CFAP54: variants seen among roughly 807,000 people sequenced by gnomAD.
CFAP54 encodes the protein cilia and flagella associated protein 54.
In CFAP54, 290 loss-of-function variants were observed where a neutral mutation model predicts 370.4. The ratio of observed to expected loss-of-function variants is 0.78; its 90% confidence interval spans 0.71 to 0.86. The LOEUF is 0.86. CFAP54 is among the 40% of genes least tolerant of loss of function. The probability of loss-of-function intolerance (pLI) is 0.00; values close to 1 mark genes in which losing one functional copy is unlikely to be tolerated. For synonymous variants in CFAP54, 1,206 were observed against 1,236.5 expected (o/e 0.98, Z 0.52); for missense variants, 3,399 against 3,528.7 (o/e 0.96, Z 0.93).
intron 66 of CFAP54, among the ~76,000 whole-genome samples, chr12:96,835,560 T>C (rs1959183453): frequency 1.3e-5 from 2 of 152,160 alleles, no homozygotes; most frequent in Admixed American, 1.3e-4. Flanking sequence ...CATGCAGGCT[T>C]GGCCCCGACT....
chr12:96,870,875 A>G (rs1035175335), intron 67 of CFAP54, among the ~76,000 whole-genome samples: 2 of 152,230 alleles, frequency 1.3e-5, no homozygotes, highest in African/African-American at 2.4e-5. Flanking sequence ...AACCAAAGGA[A>G]TGGTAATCCT....
At chr12:96,664,339 G>C (rs955623776) in intron 39 of CFAP54, among the ~76,000 whole-genome samples, 1 of 151,944 alleles carries the variant, frequency 6.6e-6, no homozygotes, top group African/African-American at 2.4e-5. Context: ...GTGTCCATGT[G>C]TTCTTATTAT....
chr12:96,654,832 A>ATTT lies in CFAP54; in HGVS notation c.5100+3031_5100+3033dup, dbSNP rs10631171. Reference sequence around the variant, plus strand: ...TTTTGTGTCTGGCTCATTTCACTTAATTTTTTTTTTTTTTTTAAGAAATGA... The same window carrying ATTT: ...TTTTGTGTCTGGCTCATTTCACTTAATTTTTTTTTTTTTTTTTTTAAGAAATGA... On this transcript the variant is annotated intron_variant, in intron 36 of 67. Coordinates refer to ENST00000524981, the MANE Select transcript of CFAP54 (RefSeq NM_001306084.2). Among the ~76,000 whole-genome samples the ATTT allele has an allele frequency of 1.3e-3, 171 of 132,132 alleles. 5 individuals carry two copies. The East Asian group carries it at 0.03, about 23-fold the overall frequency. 86.7% of individuals were successfully genotyped at this position (132,132 alleles called of 152,430 possible).
chr12:96,612,179 C>T (rs1956365644), intron 26 of CFAP54, among the ~76,000 whole-genome samples: 1 of 152,214 alleles, frequency 6.6e-6, no homozygotes, highest in Admixed American at 6.5e-5. Context: ...ATCAGACTAA[C>T]AGTGGATCTC....
intron 65 of CFAP54, among the ~76,000 whole-genome samples, chr12:96,826,900 T>TA: frequency 7.9e-6 from 1 of 126,688 alleles, no homozygotes; most frequent in South Asian, 2.3e-4. Context: ...ATATGATATA[T>TA]TATATATGCA....
At chr12:96,797,862 G>A (rs1385855479) in intron 63 of CFAP54, among the ~76,000 whole-genome samples, 1 of 151,674 alleles carries the variant, frequency 6.6e-6, no homozygotes, top group African/African-American at 2.4e-5. Context: ...TAATATATTT[G>A]GTTTAAATCT....
chr12:96,640,991 A>G (rs1308395677), intron 32 of CFAP54, among the ~76,000 whole-genome samples: 4 of 152,122 alleles, frequency 2.6e-5, no homozygotes, highest in Non-Finnish European at 5.9e-5. Context: ...AAACCTAGGC[A>G]ATACCATTCA....
intron 62 of CFAP54, among the ~76,000 whole-genome samples, chr12:96,789,510 C>A (rs1298352726): frequency 3.3e-5 from 5 of 152,136 alleles, no homozygotes; most frequent in Non-Finnish European, 7.3e-5. Context: ...AGACTGAGAA[C>A]AATAGTTTCA....
intron 67 of CFAP54, among the ~76,000 whole-genome samples, 193 bp from the exon 68 acceptor site, chr12:96,874,925 T>C (rs1056942941): frequency 6.6e-6 from 1 of 151,496 alleles, no homozygotes; most frequent in Non-Finnish European, 1.5e-5. Flanking sequence ...CCGGGATCTC[T>C]GCTTTTTTAA....
chr12:96,823,219 C>T (rs1402911560), intron 65 of CFAP54, among the ~76,000 whole-genome samples: 1 of 152,092 alleles, frequency 6.6e-6, no homozygotes, highest in East Asian at 1.9e-4. Context: ...CATTTTCTAG[C>T]CCTTCTAGAC....
intron 20 of CFAP54, among the ~76,000 whole-genome samples, chr12:96,579,684 G>GTT (rs1164267769): frequency 2.0e-5 from 3 of 152,034 alleles, no homozygotes; most frequent in Non-Finnish European, 2.9e-5. Flanking sequence ...AGTATGGCTT[G>GTT]TTCATAATAC....
chr12:96,512,349 A>G (rs1955182302), intron 4 of CFAP54, among the ~76,000 whole-genome samples: 2 of 81,030 alleles, frequency 2.5e-5, no homozygotes, highest in South Asian at 4.0e-4. Flanking sequence ...ATATATATAT[A>G]TGTATATATT....
Position 96,743,741 on chromosome 12 carries a change from A to G in CFAP54, c.7388A>G (p.His2463Arg), listed in dbSNP as rs1958079012. The G allele has an allele frequency of 6.2e-7, 1 of 1,604,010 alleles. No homozygotes were observed. Among genetic ancestry groups the G allele is most frequent in the Non-Finnish European group, 8.5e-7 (1 of 1,176,514 alleles). The change falls in exon 54 of 68, where the codon CAT (histidine) becomes CGT (arginine). Residue 2463 changes from histidine (H) to arginine (R), a missense_variant. Transcript: ENST00000524981. ...ATTTTATTTTAATAGGATATAATAC[A>G]TTTGCTGGAAGGAAATGAATTTATT... ...DIMTNLQDII[H>R]LLEGNEFISP...
At chr12:96,826,157 A>G (rs1188830631) in intron 65 of CFAP54, among the ~76,000 whole-genome samples, 3 of 146,298 alleles carry the variant, frequency 2.1e-5, no homozygotes, top group Non-Finnish European at 3.0e-5. Flanking sequence ...ATAAAAAAGC[A>G]AACAACACCT....
chr12:96,751,058 T>G (rs1958177456), intron 55 of CFAP54, among the ~76,000 whole-genome samples: 1 of 152,210 alleles, frequency 6.6e-6, no homozygotes, highest in Non-Finnish European at 1.5e-5. Context: ...AAAAAGGCAT[T>G]TAGAGATTTT....
At chr12:96,573,086 G>A (rs1592857543) in intron 19 of CFAP54, 2 of 947,896 alleles carry the variant, frequency 2.1e-6, no homozygotes, top group Non-Finnish European at 2.5e-6. Flanking sequence ...AGGGCCAGTG[G>A]GCCAGTGCTG....
intron 67 of CFAP54, among the ~76,000 whole-genome samples, chr12:96,862,046 A>C (rs563001452): frequency 6.6e-6 from 1 of 152,316 alleles, no homozygotes; most frequent in African/African-American, 2.4e-5. Flanking sequence ...AAACAACGGT[A>C]ATAGTAGCTG....
At chr12:96,786,939 T>C in intron 62 of CFAP54, 41 bp downstream of exon 62, 1 of 1,344,912 alleles carries the variant, frequency 7.4e-7, no homozygotes, top group Non-Finnish European at 1.0e-6. Context: ...ATAAAACTTC[T>C]TGGAATCATC....
intron 5 of CFAP54, among the ~76,000 whole-genome samples, chr12:96,515,010 CTTTT>C (rs34667780): frequency 2.2e-5 from 3 of 138,398 alleles, no homozygotes; most frequent in African/African-American, 2.6e-5. Context: ...GAGTATAGTT[CTTTT>C]TTTTTTTTTT....
Sources: allele counts gnomAD v4.1 joint callset (sites outside exome capture counted in the v4.1 genomes callset), GRCh38; gene constraint gnomAD v4.1.1; transcripts MANE v1.5; gene names NCBI Gene and HGNC (gene_info 2026-07-23, HGNC 2026-07-21).